The following EDEM1 variants were observed in gnomAD, a reference collection of about 807,000 sequenced individuals.
EDEM1 encodes ER degradation enhancing alpha-mannosidase like protein 1, also known as ER degradation-enhancing alpha-mannosidase-like protein 1.
Under a neutral mutation model 74.4 loss-of-function variants are expected in EDEM1, and 67 were observed. The observed-to-expected ratio is 0.90, with a 90% CI of 0.74 to 1.10. The LOEUF is 1.10. EDEM1 is among the 50% of genes least tolerant of loss of function. The pLI, the probability that EDEM1 is intolerant of heterozygous loss-of-function variation, is 0.00. For missense variants in EDEM1, 926 were observed against 851.6 expected, an observed-to-expected ratio of 1.09 and a Z score of -1.09; for synonymous variants, 382 against 335.9, an observed-to-expected ratio of 1.14 and a Z score of -1.50.
At chr3:5,190,246 C>T (rs1241484790) in intron 1 of EDEM1, among the ~76,000 whole-genome samples, 2 of 152,182 alleles carry the variant, frequency 1.3e-5, no homozygotes, top group Non-Finnish European at 2.9e-5. Context: ...CACTAGTGCT[C>T]TTGGTATTAC....
intron 3 of EDEM1, 24 bp downstream of exon 3, chr3:5,199,719 A>C: frequency 6.3e-7 from 1 of 1,580,748 alleles, no homozygotes; most frequent in Non-Finnish European, 8.6e-7. Context: ...TATTCATAAA[A>C]TGAATTGGAG....
In EDEM1 at chr3:5,195,285, A is replaced by G. The variant is rs202235001; in HGVS notation, c.582+4A>G. On this transcript the variant is annotated splice_donor_region_variant and intron_variant, in intron 2 of 11. Coordinates refer to ENST00000256497, the MANE Select transcript of EDEM1 (RefSeq NM_014674.3). Reference sequence around the variant, plus strand: ...TGATGCATTGGATACACTTGCAGTAAGTGTTCACCTTTTTTTAAAAAAATG... The same window carrying G: ...TGATGCATTGGATACACTTGCAGTAGGTGTTCACCTTTTTTTAAAAAAATG... 2.0e-4 allele frequency: 315 copies of G among 1,536,878 alleles called. 1 individual carries two copies. The highest frequency in any genetic ancestry group is 2.3e-4 in the Non-Finnish European group (259 of 1,137,392).
intron 6 of EDEM1, among the ~76,000 whole-genome samples, chr3:5,206,179 T>A (rs2055094423): frequency 6.6e-6 from 1 of 151,906 alleles, no homozygotes; most frequent in Admixed American, 6.6e-5. Context: ...CAGTGGCTTC[T>A]ACGTAGTGTC....
chr3:5,202,943 T>C, intron 4 of EDEM1, 23 bp from the exon 5 acceptor site: 1 of 1,609,590 alleles, frequency 6.2e-7, no homozygotes, highest in Non-Finnish European at 8.5e-7. Flanking sequence ...TTTGTCACAG[T>C]CTTTGTCTGT....
chr3:5,204,251 A>G (rs2055068510), intron 5 of EDEM1, among the ~76,000 whole-genome samples: 1 of 152,130 alleles, frequency 6.6e-6, no homozygotes, highest in Admixed American at 6.5e-5. Context: ...TATAATATAA[A>G]CATATATTTT....
At chr3:5,199,900 A>G (rs2055014214) in intron 3 of EDEM1, among the ~76,000 whole-genome samples, 1 of 151,960 alleles carries the variant, frequency 6.6e-6, no homozygotes, top group Non-Finnish European at 1.5e-5. Flanking sequence ...CTGAAGGGAA[A>G]GACACGTTTG....
intron 10 of EDEM1, 26 bp downstream of exon 10, chr3:5,211,242 G>A (rs906794865): frequency 6.2e-7 from 1 of 1,602,588 alleles, no homozygotes; most frequent in African/African-American, 1.3e-5. Flanking sequence ...GATGAACCCA[G>A]GAATATTTAG....
intron 8 of EDEM1, among the ~76,000 whole-genome samples, chr3:5,208,475 C>T (rs1004560947): frequency 2.6e-5 from 4 of 152,086 alleles, no homozygotes; most frequent in Admixed American, 6.5e-5. Flanking sequence ...ATGTTTTTAA[C>T]CTAATATTCT....
intron 1 of EDEM1, 35 bp from the exon 2 acceptor site, chr3:5,195,172 TAA>T (rs755156240): frequency 3.2e-6 from 4 of 1,265,122 alleles, no homozygotes; most frequent in Non-Finnish European, 4.3e-6. Context: ...TCTTTTGAAA[TAA>T]AGTCTTTTTG....
At chr3:5,208,743 T>TTGTGTGTG (rs537035240) in intron 8 of EDEM1, among the ~76,000 whole-genome samples, 1 of 149,336 alleles carries the variant, frequency 6.7e-6, no homozygotes, top group Non-Finnish European at 1.5e-5. Context: ...ATGTTTGTGT[T>TTGTGTGTG]TGTGTGTGTG....
chr3:5,188,937 A>G (rs2054866564), intron 1 of EDEM1, among the ~76,000 whole-genome samples: 1 of 152,194 alleles, frequency 6.6e-6, no homozygotes, highest in African/African-American at 2.4e-5. Context: ...TTTGGGGTCC[A>G]GATACTTGAG....
chr3:5,214,057 A>G (rs1381073783), intron 11 of EDEM1, among the ~76,000 whole-genome samples: 1 of 152,226 alleles, frequency 6.6e-6, no homozygotes, highest in Non-Finnish European at 1.5e-5. Context: ...GGTCCCAATG[A>G]AGATGCTCTT....
At position 5,216,146 on chromosome 3, in the gene EDEM1, T is replaced by C. The variant is rs921367752; in HGVS notation, c.*228T>C. 42 of 525,746 alleles carry C rather than the reference T, an allele frequency of 8.0e-5. No individual in the cohort carries two copies. Among genetic ancestry groups the C allele is most frequent in the African/African-American group, 7.7e-4 (39 of 50,516 alleles). 32.6% of individuals were successfully genotyped at this position (525,746 alleles called of 1,614,324 possible). A position where few individuals can be genotyped will look rare whatever the true frequency, so the allele number is the denominator to read the frequency against. The stretch of plus-strand genomic sequence containing the variant: ...ATATAATTTGAAGTGAGAAGATACA[T>C]GGAAATTGCCCTCTTATGACATGTT... On this transcript the variant is annotated 3_prime_UTR_variant, in exon 12 of 12. Coordinates refer to ENST00000256497, the MANE Select transcript of EDEM1 (RefSeq NM_014674.3).
chr3:5,198,118 C>G (rs112828470), intron 2 of EDEM1, among the ~76,000 whole-genome samples: 285 of 148,264 alleles, frequency 1.9e-3, no homozygotes, highest in African/African-American at 6.9e-3. Context: ...GATCTCGGCT[C>G]ACTGCACCCT....
Position 5,201,906 on chromosome 3 carries a change from A to G in EDEM1, c.840A>G (p.Thr280=), listed in dbSNP as rs1316527413. The part of the protein sequence containing the change: ...RLLPAFENTK[T]GIPYPRVNLK... ...TCCCTGCTTTTGAAAACACCAAGACAGGGATTCCATATCCTCGGGTGGGTA... is the reference window on the plus strand; with the variant it reads ...TCCCTGCTTTTGAAAACACCAAGACGGGGATTCCATATCCTCGGGTGGGTA... The change falls in exon 4 of 12, where the codon ACA becomes ACG. Residue 280 remains threonine (T), a synonymous_variant. Coordinates refer to ENST00000256497, the MANE Select transcript of EDEM1 (RefSeq NM_014674.3). 1.9e-6 allele frequency: 3 copies of G among 1,613,502 alleles called. No individual in the cohort carries two copies. Among genetic ancestry groups the G allele is most frequent in the South Asian group, 1.1e-5 (1 of 90,914 alleles).
Position 5,215,813 on chromosome 3 carries a change from G to C in EDEM1, c.1885-16G>C, listed in dbSNP as rs180682298. 1.2e-6 allele frequency: 2 copies of C among 1,610,272 alleles called. No homozygotes were observed. Among genetic ancestry groups the C allele is most frequent in the African/African-American group, 2.7e-5 (2 of 74,790 alleles). On this transcript the variant is annotated splice_polypyrimidine_tract_variant and intron_variant, in intron 11 of 11. Transcript: ENST00000256497. Reference sequence around the variant, plus strand: ...ACATATGAGTTTTTAATTTTCCCTCGTTTTTGTCTTTCTAGTGCAATCGTG... The same window carrying C: ...ACATATGAGTTTTTAATTTTCCCTCCTTTTTGTCTTTCTAGTGCAATCGTG...
Position 5,203,254 on chromosome 3 carries a change from A to G in EDEM1, c.1042+105A>G, listed in dbSNP as rs2305395. On this transcript the variant is annotated intron_variant, in intron 5 of 11. Transcript: ENST00000256497. ...TTTTTACTCTTCAACTCAATTGACA[A>G]CTCAGCAAGAATTGTGTCAGCTCTA... 2,058 of 1,195,984 alleles carry G rather than the reference A, an allele frequency of 1.7e-3. 75 individuals carry two copies. In the East Asian group the frequency reaches 0.054, roughly 31 times the overall value. 74.1% of individuals were successfully genotyped at this position (1,195,984 alleles called of 1,614,324 possible).
chr3:5,193,271 T>A (rs1466405305), intron 1 of EDEM1, among the ~76,000 whole-genome samples: 1 of 152,162 alleles, frequency 6.6e-6, no homozygotes, highest in Non-Finnish European at 1.5e-5. Flanking sequence ...GTGAAATATT[T>A]ACACAGAGCA....
intron 10 of EDEM1, 104 bp from the exon 11 acceptor site, chr3:5,213,215 G>A (rs2055188582): frequency 3.5e-6 from 4 of 1,156,064 alleles, no homozygotes; most frequent in South Asian, 3.1e-5. Context: ...AGAAGCATGA[G>A]GCCCAAGCAA....
Sources: gnomAD v4.1 joint callset for allele counts (sites outside exome capture counted in the v4.1 genomes callset) on GRCh38, gnomAD v4.1.1 for gene constraint, MANE v1.5 for transcripts, NCBI Gene and HGNC (gene_info 2026-07-23, HGNC 2026-07-21) for gene names.